Variants in NEUROG3 observed in about 807,000 individuals in gnomAD.
NEUROG3 encodes neurogenin-3.
For missense variants in NEUROG3, 307 were observed against 297.9 expected, an observed-to-expected ratio of 1.03 and a Z score of -0.22; for synonymous variants, 161 against 139.2, an observed-to-expected ratio of 1.16 and a Z score of -1.10.
intron 1 of NEUROG3, 45 bp from the exon 2 acceptor site, chr10:69,573,089 G>C: frequency 7.0e-7 from 1 of 1,425,456 alleles, no homozygotes; most frequent in Non-Finnish European, 9.7e-7. Context: ...TCCGTCACTG[G>C]GCGCAGTCCG....
rs751060031 is a variant in NEUROG3, at chr10:69,572,467, C to CG, written c.576dup (p.Gly193ArgfsTer46). 1 of 1,589,658 alleles carries CG rather than the reference C, an allele frequency of 6.3e-7. No homozygotes were observed. The highest frequency in any genetic ancestry group is 1.3e-5 in the African/African-American group (1 of 74,262). The stretch of plus-strand genomic sequence containing the variant: ...GCGGAAAAGGTGGCCCCCAGCAGCC[C>CG]GGGTCGCTCCTCCAGCGACGCGGCG... On this transcript the variant is annotated frameshift_variant, in exon 2 of 2. Coordinates refer to ENST00000242462, the MANE Select transcript of NEUROG3 (RefSeq NM_020999.4). LOFTEE classifies it low-confidence loss of function (END_TRUNC).
chr10:69,572,346 C>T lies in NEUROG3; in HGVS notation c.*53G>A, dbSNP rs1417936064. On this transcript the variant is annotated 3_prime_UTR_variant, in exon 2 of 2. Coordinates refer to ENST00000242462, the MANE Select transcript of NEUROG3 (RefSeq NM_020999.4). ...CGGCCACCCTCTACGGCTCCCGGCT[C>T]CCTCCCTCTCCCTTACCCTTAGCAC... 9.7e-6 allele frequency: 15 copies of T among 1,552,124 alleles called. No individual in the cohort carries two copies. The highest frequency in any genetic ancestry group is 9.3e-5 in the South Asian group (8 of 85,910).
Position 69,572,958 on chromosome 10 carries a change from A to T in NEUROG3, c.86T>A (p.Val29Glu). ...RSFPRASEDEVTCPTSAPPSP... is the reference protein window; with the variant it reads ...RSFPRASEDEETCPTSAPPSP... The stretch of plus-strand genomic sequence containing the variant: ...GGGCGGGGCGGACGTGGGGCAGGTC[A>T]CTTCGTCTTCCGAGGCTCTGGGGAA... Residue 29 changes from valine to glutamate, a missense_variant, in exon 2 of 2, where the codon GTG (valine) becomes GAG (glutamate). Physicochemically the swap from Val to Glu is moderately radical, Grantham distance 121. Transcript: ENST00000242462. 6.2e-7 allele frequency: 1 copy of T among 1,613,224 alleles called. No individual in the cohort carries two copies. Among genetic ancestry groups the T allele is most frequent in the Non-Finnish European group, 8.5e-7 (1 of 1,179,960 alleles).
At chr10:69,573,189 T>A in intron 1 of NEUROG3, 21 bp downstream of exon 1, 1 of 837,478 alleles carries the variant, frequency 1.2e-6, no homozygotes, top group South Asian at 1.7e-5. Flanking sequence ...TGCCCGTCCC[T>A]CGGAGGCCTC....
Position 69,572,709 on chromosome 10 carries a change from G to C in NEUROG3, c.335C>G (p.Thr112Ser), listed in dbSNP as rs1350235726. 1 of 1,614,160 alleles carries C rather than the reference G, an allele frequency of 6.2e-7. No individual in the cohort carries two copies. The change falls in exon 2 of 2, where the codon ACC (threonine) becomes AGC (serine). Residue 112 changes from threonine (T) to serine (S), a missense_variant. Physicochemically the swap from Thr to Ser is moderately conservative, Grantham distance 58 (BLOSUM62 1). Transcript: ENST00000242462. ...GGTGAGCTTCGCGTCGTCTGGGAAGGTGGGCAGGACACCGCGCAGGGCGTC... is the reference window on the plus strand; with the variant it reads ...GGTGAGCTTCGCGTCGTCTGGGAAGCTGGGCAGGACACCGCGCAGGGCGTC... Reference protein sequence around the residue: ...ALDALRGVLPTFPDDAKLTKI... With the variant: ...ALDALRGVLPSFPDDAKLTKI...
chr10:69,571,850 G>A lies in NEUROG3; in HGVS notation c.*549C>T, dbSNP rs1357281863. Reference sequence around the variant, plus strand: ...GGCTCCGAAAAGTGCACGAGGAGAAGGCAGAGGGTCGCCTTCGTGGCTTTA... The same window carrying A: ...GGCTCCGAAAAGTGCACGAGGAGAAAGCAGAGGGTCGCCTTCGTGGCTTTA... On this transcript the variant is annotated 3_prime_UTR_variant, in exon 2 of 2. Coordinates refer to ENST00000242462, the MANE Select transcript of NEUROG3 (RefSeq NM_020999.4). 2 of 152,062 alleles carry A rather than the reference G, an allele frequency of 1.3e-5. No homozygotes were observed. Among genetic ancestry groups the A allele is most frequent in the Non-Finnish European group, 2.9e-5 (2 of 68,254 alleles). 9.4% of individuals were successfully genotyped at this position (152,062 alleles called of 1,614,324 possible). A position where few individuals can be genotyped will look rare whatever the true frequency, so the allele number is the denominator to read the frequency against.
Position 69,572,007 on chromosome 10 carries a change from T to G in NEUROG3, c.*392A>C. 1.6e-5 allele frequency: 4 copies of G among 247,140 alleles called. No individual in the cohort carries two copies. The highest frequency in any genetic ancestry group is 2.4e-5 in the Non-Finnish European group (3 of 127,490). 15.3% of individuals were successfully genotyped at this position (247,140 alleles called of 1,614,324 possible). A position where few individuals can be genotyped will look rare whatever the true frequency, so the allele number is the denominator to read the frequency against. On this transcript the variant is annotated 3_prime_UTR_variant, in exon 2 of 2. Transcript: ENST00000242462. ...GGATTGAATCACATTGGAGGAGGGG[T>G]GGTAAGAGACTGAGAGGCAGACAGA...
Position 69,572,735 on chromosome 10 carries a change from C to A in NEUROG3, c.309G>T (p.Leu103=), listed in dbSNP as rs1444157671. ...RNRMHNLNSA[L]DALRGVLPTF... Reference sequence around the variant, plus strand: ...TGGGCAGGACACCGCGCAGGGCGTCCAGTGCCGAGTTGAGGTTGTGCATTC... The same window carrying A: ...TGGGCAGGACACCGCGCAGGGCGTCAAGTGCCGAGTTGAGGTTGTGCATTC... The change falls in exon 2 of 2, where the codon CTG becomes CTT. Residue 103 remains leucine, a synonymous_variant. Transcript: ENST00000242462. 6.2e-7 allele frequency: 1 copy of A among 1,614,002 alleles called. No individual in the cohort carries two copies. The highest frequency in any genetic ancestry group is 1.3e-5 in the African/African-American group (1 of 74,938).
chr10:69,572,740 C>A lies in NEUROG3; in HGVS notation c.304G>T (p.Ala102Ser). The A allele has an allele frequency of 1.9e-6, 3 of 1,614,128 alleles. No homozygotes were observed. The highest frequency in any genetic ancestry group is 2.5e-6 in the Non-Finnish European group (3 of 1,179,970). ...ERNRMHNLNS[A>S]LDALRGVLPT... ...AGGACACCGCGCAGGGCGTCCAGTGCCGAGTTGAGGTTGTGCATTCGATTG... is the reference window on the plus strand; with the variant it reads ...AGGACACCGCGCAGGGCGTCCAGTGACGAGTTGAGGTTGTGCATTCGATTG... The change falls in exon 2 of 2, where the codon GCA becomes TCA. Residue 102 changes from alanine to serine, a missense_variant. Transcript: ENST00000242462.
Position 69,572,585 on chromosome 10 carries a change from C to T in NEUROG3, c.459G>A (p.Ala153=). The T allele has an allele frequency of 6.2e-7, 1 of 1,613,622 alleles. No individual in the cohort carries two copies. The highest frequency in any genetic ancestry group is 8.5e-7 in the Non-Finnish European group (1 of 1,179,784). Residue 153 remains alanine (A), a synonymous_variant, in exon 2 of 2, where the codon GCG becomes GCA. Transcript: ENST00000242462. ...GGCTGCCCAGCTCCCCGCAGTGCGGCGCCGGCGGCTCCAGCGCGTACAAGC... is the reference window on the plus strand; with the variant it reads ...GGCTGCCCAGCTCCCCGCAGTGCGGTGCCGGCGGCTCCAGCGCGTACAAGC... The part of the protein sequence containing the change: ...DHSLYALEPP[A]PHCGELGSPG...
In NEUROG3 at chr10:69,572,219, C is replaced by T. The variant is rs916410226; in HGVS notation, c.*180G>A. The T allele has an allele frequency of 1.4e-5, 10 of 697,252 alleles. No homozygotes were observed. Among genetic ancestry groups the T allele is most frequent in the African/African-American group, 3.6e-5 (2 of 55,806 alleles). 43.2% of individuals were successfully genotyped at this position (697,252 alleles called of 1,614,324 possible). A position where few individuals can be genotyped will look rare whatever the true frequency, so the allele number is the denominator to read the frequency against. ...CGTGCGTTGGCGCGGCTCGGAGGGC[C>T]GGGGAATGAACCCAGCCTGCCGCCC... On this transcript the variant is annotated 3_prime_UTR_variant, in exon 2 of 2. Coordinates refer to ENST00000242462, the MANE Select transcript of NEUROG3 (RefSeq NM_020999.4).
chr10:69,573,130 A>C, intron 1 of NEUROG3, 80 bp downstream of exon 1: 4 of 1,471,532 alleles, frequency 2.7e-6, no homozygotes, highest in Non-Finnish European at 3.7e-6. Context: ...AAAAAACAAA[A>C]ACAGCCATCC....
rs1327916173 is a variant in NEUROG3, at chr10:69,572,599, G to A, written c.445C>T (p.Leu149=). ...LRIADHSLYA[L]EPPAPHCGEL... ...CCGCAGTGCGGCGCCGGCGGCTCCA[G>A]CGCGTACAAGCTGTGGTCCGCTATG... Residue 149 remains leucine, a synonymous_variant, in exon 2 of 2, where the codon CTG becomes TTG. Transcript: ENST00000242462. 1.4e-5 allele frequency: 22 copies of A among 1,613,834 alleles called. No individual in the cohort carries two copies. Among genetic ancestry groups the A allele is most frequent in the Non-Finnish European group, 1.8e-5 (21 of 1,179,914 alleles).
chr10:69,572,923 G>C lies in NEUROG3; in HGVS notation c.121C>G (p.Arg41Gly). 1.2e-6 allele frequency: 2 copies of C among 1,612,572 alleles called. No homozygotes were observed. The highest frequency in any genetic ancestry group is 1.7e-6 in the Non-Finnish European group (2 of 1,179,862). ...GCCTCTGCGCAGTTCCCCCGTGTGC[G>C]AGTGGGGCTGGGCGGGGCGGACGTG... is the stretch of plus-strand genomic sequence containing the variant. ...CPTSAPPSPT[R>G]TRGNCAEAEE... The change falls in exon 2 of 2, where the codon CGC (arginine) becomes GGC (glycine). Residue 41 changes from arginine (R) to glycine (G), a missense_variant. By Grantham distance (125) the Arg-to-Gly change is moderately radical (BLOSUM62 -2). Transcript: ENST00000242462.
chr10:69,573,269 C>T lies in NEUROG3; in HGVS notation c.-61G>A, dbSNP rs2133228000. 1.7e-6 allele frequency: 1 copy of T among 598,376 alleles called. No individual in the cohort carries two copies. Among genetic ancestry groups the T allele is most frequent in the East Asian group, 2.9e-5 (1 of 34,154 alleles). The allele number at this position is 598,376 out of a possible 1,614,324, so 37.1% of individuals were successfully genotyped here. A position where few individuals can be genotyped will look rare whatever the true frequency, so the allele number is the denominator to read the frequency against. ...GCAGCGAGGGCCGTGGGGAGCTCAG[C>T]GGGCTTCTGGTCGCCAAGTTCAGCT... On this transcript the variant is annotated 5_prime_UTR_variant, in exon 1 of 2. Coordinates refer to ENST00000242462, the MANE Select transcript of NEUROG3 (RefSeq NM_020999.4).
At position 69,572,928 on chromosome 10, in the gene NEUROG3, G is replaced by A; in HGVS notation, c.116C>T (p.Pro39Leu). The A allele has an allele frequency of 1.9e-6, 3 of 1,612,666 alleles. No homozygotes were observed. Among genetic ancestry groups the A allele is most frequent in the Non-Finnish European group, 2.5e-6 (3 of 1,179,940 alleles). The change falls in exon 2 of 2, where the codon CCC (proline) becomes CTC (leucine). Residue 39 changes from proline (P) to leucine (L), a missense_variant. Coordinates refer to ENST00000242462, the MANE Select transcript of NEUROG3 (RefSeq NM_020999.4). ...VTCPTSAPPS[P>L]TRTRGNCAEA... ...TGCGCAGTTCCCCCGTGTGCGAGTG[G>A]GGCTGGGCGGGGCGGACGTGGGGCA...
downstream of NEUROG3, chr10:69,571,695 G>T (rs2133225728): frequency 6.6e-6 from 1 of 152,318 alleles, no homozygotes; most frequent in South Asian, 2.1e-4. Flanking sequence ...AAAAAGATGC[G>T]CGGTGCTCCA....
Position 69,572,817 on chromosome 10 carries a change from G to C in NEUROG3, c.227C>G (p.Ala76Gly), listed in dbSNP as rs762178894. Residue 76 changes from alanine (A) to glycine (G), a missense_variant, in exon 2 of 2, where the codon GCA (alanine) becomes GGA (glycine). Ala to Gly is a moderately conservative substitution (Grantham distance 60). Transcript: ENST00000242462. ...CCGACTCCGTCGCTGCTTGCTCAGTGCCAACTCGCTCTTAGGCCGGCTGCG... is the reference window on the plus strand; with the variant it reads ...CCGACTCCGTCGCTGCTTGCTCAGTCCCAACTCGCTCTTAGGCCGGCTGCG... ...GGRSRPKSEL[A>G]LSKQRRSRRK... 1.2e-6 allele frequency: 2 copies of C among 1,612,436 alleles called. No individual in the cohort carries two copies. Among genetic ancestry groups the C allele is most frequent in the South Asian group, 1.1e-5 (1 of 90,904 alleles).
At position 69,572,922 on chromosome 10, in the gene NEUROG3, C is replaced by T. The variant is rs1265007650; in HGVS notation, c.122G>A (p.Arg41His). The change falls in exon 2 of 2, where the codon CGC (arginine) becomes CAC (histidine). Residue 41 changes from arginine to histidine, a missense_variant. By Grantham distance (29) the Arg-to-His change is conservative. Coordinates refer to ENST00000242462, the MANE Select transcript of NEUROG3 (RefSeq NM_020999.4). ...CPTSAPPSPT[R>H]TRGNCAEAEE... is the part of the protein sequence containing the mutation. ...CGCCTCTGCGCAGTTCCCCCGTGTG[C>T]GAGTGGGGCTGGGCGGGGCGGACGT... is the stretch of plus-strand genomic sequence containing the variant. The T allele has an allele frequency of 2.5e-6, 4 of 1,612,232 alleles. No homozygotes were observed. The South Asian group carries it at 4.4e-5, about 18-fold the overall frequency.
Sources: allele counts gnomAD v4.1 joint callset, GRCh38; gene constraint gnomAD v4.1.1; transcripts MANE v1.5; gene names NCBI Gene and HGNC (gene_info 2026-07-23, HGNC 2026-07-21).